AGBL4: variants seen among roughly 807,000 people sequenced by gnomAD.
AGBL4 encodes AGBL carboxypeptidase 4, also known as cytosolic carboxypeptidase 6.
Under a neutral mutation model 66.4 loss-of-function variants are expected in AGBL4, and 58 were observed. The observed-to-expected ratio is 0.87, with a 90% CI of 0.71 to 1.09. The LOEUF (loss-of-function observed/expected upper bound fraction) is 1.09. Among genes scored for constraint, AGBL4 ranks in the 50% least tolerant of loss-of-function variants. The pLI, the probability that AGBL4 is intolerant of heterozygous loss-of-function variation, is 0.00. For synonymous variants in AGBL4, 234 were observed against 222.9 expected (o/e 1.05, Z -0.44); for missense variants, 579 against 631.0 (o/e 0.92, Z 0.88).
chr1:49,809,743 CA>C (rs1477069291), intron 2 of AGBL4, among the ~76,000 whole-genome samples: 1 of 152,048 alleles, frequency 6.6e-6, no homozygotes, highest in Non-Finnish European at 1.5e-5. Flanking sequence ...ATGTGTGATA[CA>C]GAGAAATTTA....
chr1:49,450,257 A>C (rs974207650), intron 3 of AGBL4, among the ~76,000 whole-genome samples: 2 of 152,096 alleles, frequency 1.3e-5, no homozygotes, highest in Non-Finnish European at 2.9e-5. Flanking sequence ...TGAAGCTAGG[A>C]ATAGAAGTAT....
Position 48,926,446 on chromosome 1 carries a change from A to ATT in AGBL4, c.595-59218_595-59217dup, listed in dbSNP as rs562349327. Among the ~76,000 whole-genome samples, 187 of 142,746 alleles carry ATT rather than the reference A, an allele frequency of 1.3e-3. 1 individual carries two copies. The highest frequency in any genetic ancestry group is 2.7e-3 in the African/African-American group (106 of 38,958). The allele number at this position is 142,746 out of a possible 152,430, so 93.6% of individuals were successfully genotyped here. On this transcript the variant is annotated intron_variant, in intron 5 of 13. Coordinates refer to ENST00000371839, the MANE Select transcript of AGBL4 (RefSeq NM_032785.4). ...AGGCGTGGAACACCAGGCCTAGCTA[A>ATT]TTTTTTTTTTTTTGTATTTTTAGTA...
intron 3 of AGBL4, among the ~76,000 whole-genome samples, chr1:49,321,234 G>A (rs1382802762): frequency 6.6e-6 from 1 of 152,116 alleles, no homozygotes; most frequent in African/African-American, 2.4e-5. Context: ...TGAACTTGGG[G>A]ATTAATGCTA....
chr1:49,064,462 G>A (rs1414337778), intron 4 of AGBL4, among the ~76,000 whole-genome samples: 1 of 152,164 alleles, frequency 6.6e-6, no homozygotes, highest in Non-Finnish European at 1.5e-5. Flanking sequence ...CAGATTGTTA[G>A]ACTTAAGGTC....
chr1:48,540,516 T>C (rs1644049390), intron 11 of AGBL4, among the ~76,000 whole-genome samples: 1 of 152,134 alleles, frequency 6.6e-6, no homozygotes, highest in African/African-American at 2.4e-5. Flanking sequence ...TGCCCCTTGC[T>C]TCTCTAATGA....
At chr1:49,968,637 A>C (rs1324137800) in intron 1 of AGBL4, among the ~76,000 whole-genome samples, 1 of 152,194 alleles carries the variant, frequency 6.6e-6, no homozygotes, top group Non-Finnish European at 1.5e-5. Flanking sequence ...CAGGTAATTA[A>C]GTTCTAGCCC....
intron 1 of AGBL4, among the ~76,000 whole-genome samples, chr1:49,874,408 G>C (rs1646920089): frequency 6.6e-6 from 1 of 151,978 alleles, no homozygotes; most frequent in African/African-American, 2.4e-5. Context: ...TTATAGTGAA[G>C]GTTACATTAG....
chr1:48,733,898 T>TGG (rs1417830693), intron 6 of AGBL4, among the ~76,000 whole-genome samples: 1 of 152,124 alleles, frequency 6.6e-6, no homozygotes, highest in Non-Finnish European at 1.5e-5. Flanking sequence ...ATGAATCAGA[T>TGG]ACAGTCCCCA....
At chr1:50,011,239 T>C (rs1661507705) in intron 1 of AGBL4, among the ~76,000 whole-genome samples, 1 of 152,180 alleles carries the variant, frequency 6.6e-6, no homozygotes. Context: ...TGAATAGATA[T>C]TTTTTAAAAG....
chr1:49,229,178 G>T (rs1005176441), intron 4 of AGBL4, among the ~76,000 whole-genome samples: 55 of 152,104 alleles, frequency 3.6e-4, no homozygotes, highest in African/African-American at 1.3e-3. Flanking sequence ...GTGAAAAATT[G>T]GCTGTGCACC....
chr1:49,465,083 G>A (rs574178981), intron 3 of AGBL4, among the ~76,000 whole-genome samples: 2 of 151,756 alleles, frequency 1.3e-5, no homozygotes, highest in South Asian at 2.1e-4. Context: ...AAAGTAGAAT[G>A]TCAGGCCCTG....
chr1:48,863,755 C>T lies in AGBL4; in HGVS notation c.634+3436G>A, dbSNP rs553043720. 1.1e-3 allele frequency among the ~76,000 whole-genome samples: 172 copies of T among 151,778 alleles called. 1 individual carries two copies. Among genetic ancestry groups the T allele is most frequent in the African/African-American group, 4.0e-3 (164 of 41,444 alleles). On this transcript the variant is annotated intron_variant, in intron 6 of 13. Coordinates refer to ENST00000371839, the MANE Select transcript of AGBL4 (RefSeq NM_032785.4). ...TGAGACAATGGGTTATCCATACACA[C>T]ACAAAAAAATAAATTCCTATTTCAT...
intron 5 of AGBL4, among the ~76,000 whole-genome samples, chr1:49,010,702 A>T (rs1470235119): frequency 3.4e-5 from 5 of 148,840 alleles, no homozygotes; most frequent in Admixed American, 3.4e-4. Context: ...ATGGAACAGA[A>T]CAGAGCCCTC....
chr1:49,860,705 A>T (rs1646548595), intron 1 of AGBL4, among the ~76,000 whole-genome samples: 1 of 152,090 alleles, frequency 6.6e-6, no homozygotes, highest in Non-Finnish European at 1.5e-5. Flanking sequence ...TCAAAAAAAT[A>T]GTAATAAGGA....
chr1:49,500,722 G>C (rs1303354293), intron 3 of AGBL4, among the ~76,000 whole-genome samples: 1 of 151,980 alleles, frequency 6.6e-6, no homozygotes, highest in East Asian at 1.9e-4. Context: ...TCTCTATTCT[G>C]TTCCATTGGT....
chr1:49,124,302 T>A (rs998583971), intron 4 of AGBL4, among the ~76,000 whole-genome samples: 7 of 152,166 alleles, frequency 4.6e-5, no homozygotes, highest in Non-Finnish European at 1.0e-4. Flanking sequence ...ATCAGCAGAA[T>A]GAAGAACAGA....
chr1:49,980,056 G>C (rs1658932216), intron 1 of AGBL4, among the ~76,000 whole-genome samples: 1 of 151,970 alleles, frequency 6.6e-6, no homozygotes, highest in Non-Finnish European at 1.5e-5. Context: ...TAGGAATACA[G>C]TATATAATAT....
chr1:49,014,941 T>C (rs1662702499), intron 5 of AGBL4, among the ~76,000 whole-genome samples: 1 of 152,232 alleles, frequency 6.6e-6, no homozygotes, highest in Non-Finnish European at 1.5e-5. Context: ...CCAGGGGTAT[T>C]GAGATAACAC....
chr1:48,600,190 A>C (rs1645053686), intron 9 of AGBL4, among the ~76,000 whole-genome samples: 1 of 152,190 alleles, frequency 6.6e-6, no homozygotes, highest in Non-Finnish European at 1.5e-5. Flanking sequence ...ACACACAGTA[A>C]GTACTCAGGC....
Sources: gnomAD v4.1 joint callset for allele counts (sites outside exome capture counted in the v4.1 genomes callset) on GRCh38, gnomAD v4.1.1 for gene constraint, MANE v1.5 for transcripts, NCBI Gene and HGNC (gene_info 2026-07-23, HGNC 2026-07-21) for gene names.